RDH8: variants seen among roughly 807,000 people sequenced by gnomAD.
The protein encoded by RDH8 is retinol dehydrogenase 8.
Under a neutral mutation model 22.3 loss-of-function variants are expected in RDH8, and 14 were observed. The ratio of observed to expected loss-of-function variants is 0.63; its 90% confidence interval spans 0.42 to 0.98. The LOEUF (loss-of-function observed/expected upper bound fraction) is 0.98, where lower values mean the gene tolerates loss of function less well. Ranked by LOEUF, RDH8 falls within the 50% of genes least tolerant of loss-of-function variation. The pLI is 0.00. For missense variants in RDH8, 389 were observed against 409.8 expected (o/e 0.95, Z 0.44); for synonymous variants, 175 against 171.7 (o/e 1.02, Z -0.15).
At position 10,021,924 on chromosome 19, in the gene RDH8, C is replaced by T. The variant is rs528451801; in HGVS notation, c.*175C>T. 15 of 707,318 alleles carry T rather than the reference C, an allele frequency of 2.1e-5. No homozygotes were observed. The South Asian group carries it at 2.9e-4, about 14-fold the overall frequency. 43.8% of individuals were successfully genotyped at this position (707,318 alleles called of 1,614,324 possible). A position where few individuals can be genotyped will look rare whatever the true frequency, so the allele number is the denominator to read the frequency against. ...GGCCTTTATTTTCAGGCATAGACTC[C>T]TCTGTGGTCACAGCTGGAGCACAGA... On this transcript the variant is annotated 3_prime_UTR_variant, in exon 6 of 6. Transcript: ENST00000591589.
At chr19:10,020,431 C>T (rs1356181268) in intron 3 of RDH8, among the ~76,000 whole-genome samples, 3 of 151,642 alleles carry the variant, frequency 2.0e-5, no homozygotes, top group African/African-American at 4.8e-5. Context: ...GATCCCCAAG[C>T]GGCCCCAAAG....
At chr19:10,013,941 G>T (rs2087589218) in intron 1 of RDH8, among the ~76,000 whole-genome samples, 1 of 151,932 alleles carries the variant, frequency 6.6e-6, no homozygotes, top group Non-Finnish European at 1.5e-5. Flanking sequence ...GCTGAGAGTG[G>T]CAGGGGGTGG....
chr19:10,017,709 T>A (rs2087629939), intron 2 of RDH8, among the ~76,000 whole-genome samples: 2 of 152,080 alleles, frequency 1.3e-5, no homozygotes, highest in Admixed American at 6.6e-5. Context: ...TGCAGTGGCG[T>A]GATCTCGGCT....
At chr19:10,015,965 A>AAAATAT (rs1555744167) in intron 1 of RDH8, among the ~76,000 whole-genome samples, 1 of 149,610 alleles carries the variant, frequency 6.7e-6, no homozygotes, top group Non-Finnish European at 1.5e-5. Context: ...TCAAAAAAAA[A>AAAATAT]ATATATATAT....
intron 1 of RDH8, among the ~76,000 whole-genome samples, chr19:10,013,958 G>A (rs1159693818): frequency 6.6e-6 from 1 of 151,970 alleles, no homozygotes; most frequent in South Asian, 2.1e-4. Flanking sequence ...GTGGGTGGGG[G>A]TTATTTTTAG....
At chr19:10,017,023 A>C in intron 1 of RDH8, 34 bp from the exon 2 acceptor site, 1 of 1,487,934 alleles carries the variant, frequency 6.7e-7, no homozygotes, top group Non-Finnish European at 9.0e-7. Context: ...AAAGGAGCTC[A>C]GTGCCTGTCC....
chr19:10,016,758 C>A (rs1465872743), intron 1 of RDH8, among the ~76,000 whole-genome samples: 1 of 152,188 alleles, frequency 6.6e-6, no homozygotes, highest in African/African-American at 2.4e-5. Context: ...AGGCTTGAGC[C>A]ACCACACCTG....
chr19:10,019,236 T>G (rs1225285288), intron 3 of RDH8, among the ~76,000 whole-genome samples: 12 of 151,926 alleles, frequency 7.9e-5, no homozygotes, highest in Admixed American at 7.9e-4. Flanking sequence ...AGGTGTAGGT[T>G]GCAGTGAGCC....
chr19:10,015,226 C>T (rs2087602050), intron 1 of RDH8, among the ~76,000 whole-genome samples: 1 of 152,028 alleles, frequency 6.6e-6, no homozygotes, highest in Admixed American at 6.6e-5. Context: ...CCTAGGTGGA[C>T]AGATCACCTG....
chr19:10,014,832 T>C (rs1446827506), intron 1 of RDH8, among the ~76,000 whole-genome samples: 1 of 152,118 alleles, frequency 6.6e-6, no homozygotes, highest in East Asian at 1.9e-4. Flanking sequence ...CCACCGTGCC[T>C]GGCCTGCCCT....
chr19:10,016,313 A>ATT (rs59119984), intron 1 of RDH8, among the ~76,000 whole-genome samples: 20,691 of 128,098 alleles, frequency 0.16, 2,160 homozygotes, highest in East Asian at 0.36. Context: ...CGCCAGGCTA[A>ATT]TTTTTTTTTT....
rs2087652450 is a variant in RDH8, at chr19:10,020,783, C to A, written c.517C>A (p.Leu173Met). Residue 173 changes from leucine (L) to methionine (M), a missense_variant, in exon 4 of 6, where the codon CTG becomes ATG. Coordinates refer to ENST00000591589, the MANE Select transcript of RDH8 (RefSeq NM_015725.4). ...EGFFESLAIQ[L>M]LQFNIFISLV... is the part of the protein sequence containing the mutation. The stretch of plus-strand genomic sequence containing the variant: ...ATTCTTCGAAAGCCTCGCTATCCAG[C>A]TGCTGCAGTTCAACATCTTGTGAGG... 3.7e-6 allele frequency: 6 copies of A among 1,609,372 alleles called. No individual in the cohort carries two copies. Among genetic ancestry groups the A allele is most frequent in the Non-Finnish European group, 5.1e-6 (6 of 1,177,320 alleles).
At position 10,017,011 on chromosome 19, in the gene RDH8, G is replaced by A. The variant is rs2087623581; in HGVS notation, c.104-46G>A. ...CAGACACGTGGCGCCCACACCAAGG[G>A]GAAAGGAGCTCAGTGCCTGTCCCTG... On this transcript the variant is annotated intron_variant, in intron 1 of 5. Coordinates refer to ENST00000591589, the MANE Select transcript of RDH8 (RefSeq NM_015725.4). 6 of 1,462,710 alleles carry A rather than the reference G, an allele frequency of 4.1e-6. 1 individual carries two copies. The South Asian group carries it at 4.5e-5, about 11-fold the overall frequency. The allele number at this position is 1,462,710 out of a possible 1,614,324, so 90.6% of individuals were successfully genotyped here. A position where few individuals can be genotyped will look rare whatever the true frequency, so the allele number is the denominator to read the frequency against.
chr19:10,015,099 C>G (rs2087600495), intron 1 of RDH8, among the ~76,000 whole-genome samples: 1 of 152,188 alleles, frequency 6.6e-6, no homozygotes, highest in Non-Finnish European at 1.5e-5. Context: ...TGGGGGATAT[C>G]AAACACGTAT....
intron 1 of RDH8, among the ~76,000 whole-genome samples, chr19:10,016,021 C>T (rs894412304): frequency 1.2e-4 from 18 of 151,154 alleles, no homozygotes. Flanking sequence ...CATATGTTGG[C>T]TATAGTTGTG....
intron 1 of RDH8, 122 bp from the exon 2 acceptor site, chr19:10,016,935 G>T: frequency 9.8e-7 from 1 of 1,019,362 alleles, no homozygotes; most frequent in South Asian, 2.0e-5. Context: ...ATAAATGTAG[G>T]TGTGTAAACT....
At chr19:10,020,508 C>T (rs1364923580) in intron 3 of RDH8, among the ~76,000 whole-genome samples, 1 of 151,938 alleles carries the variant, frequency 6.6e-6, no homozygotes, top group Non-Finnish European at 1.5e-5. Context: ...AGGTGGCACC[C>T]GGCACCCGAG....
rs1401242690 is a variant in RDH8, at chr19:10,017,121, G to C, written c.168G>C (p.Leu56=). ...ETLEAAAGEA[L]GQTLTVAQLD... ...TGGAGGCAGCTGCTGGGGAGGCTCTGGGGCAGACCCTCACCGTGGCCCAGC... is the reference window on the plus strand; with the variant it reads ...TGGAGGCAGCTGCTGGGGAGGCTCTCGGGCAGACCCTCACCGTGGCCCAGC... The change falls in exon 2 of 6, where the codon CTG becomes CTC. Residue 56 remains leucine, a synonymous_variant. Coordinates refer to ENST00000591589, the MANE Select transcript of RDH8 (RefSeq NM_015725.4). 6.2e-7 allele frequency: 1 copy of C among 1,610,792 alleles called. No individual in the cohort carries two copies. The highest frequency in any genetic ancestry group is 1.7e-4 in the Middle Eastern group (1 of 5,980).
At chr19:10,017,343 G>A in intron 2 of RDH8, 128 bp downstream of exon 2, 5 of 1,038,530 alleles carry the variant, frequency 4.8e-6, no homozygotes, top group Non-Finnish European at 6.5e-6. Context: ...AGAAGGGGTA[G>A]ACCAGTTGGC....
Sources: gnomAD v4.1 joint callset for allele counts (sites outside exome capture counted in the v4.1 genomes callset) on GRCh38, gnomAD v4.1.1 for gene constraint, MANE v1.5 for transcripts, NCBI Gene and HGNC (gene_info 2026-07-23, HGNC 2026-07-21) for gene names.